RASSF3: variants seen among roughly 807,000 people sequenced by gnomAD.
RASSF3 encodes ras association domain-containing protein 3.
Under a neutral mutation model 19.9 loss-of-function variants are expected in RASSF3, and 19 were observed. The ratio of observed to expected loss-of-function variants is 0.96; its 90% confidence interval spans 0.67 to 1.40. RASSF3 has a LOEUF of 1.40. RASSF3 is among the 40% of genes most tolerant of loss of function. RASSF3 has a pLI of 0.00. For missense variants in RASSF3, 306 were observed against 289.8 expected (o/e 1.06, Z -0.41); for synonymous variants, 110 against 104.2 (o/e 1.06, Z -0.34).
chr12:64,524,068 T>TG (rs1173863649), intron 1 of RASSF3, among the ~76,000 whole-genome samples: 32 of 150,142 alleles, frequency 2.1e-4, no homozygotes, highest in African/African-American at 6.8e-4. Flanking sequence ...TTTTTTTTTT[T>TG]TGAGAAAGAG....
At chr12:64,596,519 T>G (rs907511452) in intron 2 of RASSF3, among the ~76,000 whole-genome samples, 1 of 152,188 alleles carries the variant, frequency 6.6e-6, no homozygotes, top group Non-Finnish European at 1.5e-5. Context: ...GCCCAACAAG[T>G]GCTCATCCTG....
chr12:64,635,992 A>G (rs1871316794), intron 1 of RASSF3, among the ~76,000 whole-genome samples: 1 of 152,238 alleles, frequency 6.6e-6, no homozygotes, highest in African/African-American at 2.4e-5. Flanking sequence ...TTATGAACAT[A>G]CTGATTACAT....
chr12:64,694,294 TAGA>T, intron 4 of RASSF3, among the ~76,000 whole-genome samples: 1 of 152,090 alleles, frequency 6.6e-6, no homozygotes, highest in Middle Eastern at 3.4e-3. Context: ...GATGCAGGAA[TAGA>T]TGATAGTAGC....
chr12:64,683,069 A>G (rs979207136), intron 1 of RASSF3, among the ~76,000 whole-genome samples: 1 of 152,196 alleles, frequency 6.6e-6, no homozygotes, highest in African/African-American at 2.4e-5. Flanking sequence ...TTCTGTCCTT[A>G]TCTGTAACGT....
At chr12:64,553,396 A>G (rs1869198269) in intron 2 of RASSF3, among the ~76,000 whole-genome samples, 2 of 152,218 alleles carry the variant, frequency 1.3e-5, no homozygotes, top group African/African-American at 4.8e-5. Context: ...AAAGTTTGCC[A>G]ATTGTGGTAC....
At chr12:64,688,845 C>G (rs549191694) in intron 3 of RASSF3, among the ~76,000 whole-genome samples, 1 of 152,034 alleles carries the variant, frequency 6.6e-6, no homozygotes, top group Admixed American at 6.6e-5. Context: ...TGCATCAGTA[C>G]GTGGAGTGGT....
chr12:64,679,785 T>C (rs930151476), intron 1 of RASSF3, among the ~76,000 whole-genome samples: 1 of 152,214 alleles, frequency 6.6e-6, no homozygotes, highest in African/African-American at 2.4e-5. Flanking sequence ...GAGAAACTGC[T>C]GGAGGGTTTG....
chr12:64,691,659 A>G, intron 4 of RASSF3, 80 bp downstream of exon 4: 7 of 964,060 alleles, frequency 7.3e-6, no homozygotes, highest in South Asian at 1.3e-5. Flanking sequence ...TGACTTGGCT[A>G]TTGATGGGGG....
At chr12:64,599,888 C>T (rs1403590009) in intron 2 of RASSF3, among the ~76,000 whole-genome samples, 2 of 151,754 alleles carry the variant, frequency 1.3e-5, no homozygotes, top group South Asian at 2.1e-4. Flanking sequence ...AAAAATTAGC[C>T]GGGCGTGGTG....
chr12:64,612,373 T>A (rs1278806222), intron 1 of RASSF3, among the ~76,000 whole-genome samples: 1 of 152,150 alleles, frequency 6.6e-6, no homozygotes, highest in Non-Finnish European at 1.5e-5. Context: ...AGGGGTGAGA[T>A]GCCACAAGGG....
intron 2 of RASSF3, among the ~76,000 whole-genome samples, chr12:64,595,857 A>G (rs1869991808): frequency 6.6e-6 from 1 of 152,150 alleles, no homozygotes; most frequent in South Asian, 2.1e-4. Flanking sequence ...AAGTCTAGTC[A>G]TCGAAACTAG....
chr12:64,664,669 A>G (rs1253048802), intron 1 of RASSF3, among the ~76,000 whole-genome samples: 3 of 152,136 alleles, frequency 2.0e-5, no homozygotes, highest in Non-Finnish European at 4.4e-5. Context: ...TTCCCCCACC[A>G]CCTGGCTTTT....
At position 64,695,375 on chromosome 12, in the gene RASSF3, T is replaced by A. The variant is rs1381277935; in HGVS notation, c.*463T>A. The A allele has an allele frequency of 6.5e-6, 1 of 153,514 alleles. No homozygotes were observed. Among genetic ancestry groups the A allele is most frequent in the Non-Finnish European group, 1.5e-5 (1 of 68,928 alleles). 9.5% of individuals were successfully genotyped at this position (153,514 alleles called of 1,614,324 possible). A position where few individuals can be genotyped will look rare whatever the true frequency, so the allele number is the denominator to read the frequency against. The stretch of plus-strand genomic sequence containing the variant: ...TTTTCTTTTTTTAATGTCAGAGGAA[T>A]CTATCCATGTGAATCGAAAGGCACA... On this transcript the variant is annotated 3_prime_UTR_variant, in exon 5 of 5. Coordinates refer to ENST00000542104, the MANE Select transcript of RASSF3 (RefSeq NM_178169.4).
At position 64,572,217 on chromosome 12, in the gene RASSF3, T is replaced by C. The variant is rs1394535010; in HGVS notation, c.294+30512T>C. 4.6e-5 allele frequency among the ~76,000 whole-genome samples: 7 copies of C among 152,050 alleles called. No homozygotes were observed. In the East Asian group the frequency reaches 7.7e-4, roughly 17 times the overall value. On this transcript the variant is annotated intron_variant, in intron 2 of 5. Transcript: ENST00000637125. ...TATGTTGAAACCCTAACACCTAATG[T>C]AGATAATTCGGGAGAGAAATCTTTG...
At chr12:64,566,853 C>T (rs973737075) in intron 2 of RASSF3, among the ~76,000 whole-genome samples, 4 of 152,156 alleles carry the variant, frequency 2.6e-5, no homozygotes, top group African/African-American at 9.7e-5. Flanking sequence ...TTTCTAGATT[C>T]CTAAAACTCT....
intron 1 of RASSF3, among the ~76,000 whole-genome samples, chr12:64,616,828 A>G (rs980077160): frequency 6.6e-6 from 1 of 152,144 alleles, no homozygotes; most frequent in Non-Finnish European, 1.5e-5. Flanking sequence ...GACTCCAACA[A>G]TATTAGCCTT....
At chr12:64,577,063 G>T (rs768708596) in intron 2 of RASSF3, among the ~76,000 whole-genome samples, 8 of 152,124 alleles carry the variant, frequency 5.3e-5, no homozygotes, top group Admixed American at 3.3e-4. Context: ...CAAAATTGTT[G>T]CATAGTCTTT....
At chr12:64,568,653 ATCT>A (rs1869470992) in intron 2 of RASSF3, among the ~76,000 whole-genome samples, 1 of 151,576 alleles carries the variant, frequency 6.6e-6, no homozygotes, top group African/African-American at 2.4e-5. Flanking sequence ...TTCCAGAGGT[ATCT>A]TCTTCTCATT....
At chr12:64,631,984 A>G (rs1409320784) in intron 1 of RASSF3, among the ~76,000 whole-genome samples, 2 of 152,148 alleles carry the variant, frequency 1.3e-5, no homozygotes, top group East Asian at 3.8e-4. Flanking sequence ...AAGGGATGAT[A>G]TTTGGATTCT....
Sources: allele counts gnomAD v4.1 joint callset (sites outside exome capture counted in the v4.1 genomes callset), GRCh38; gene constraint gnomAD v4.1.1; transcripts MANE v1.5; gene names NCBI Gene and HGNC (gene_info 2026-07-23, HGNC 2026-07-21).